ZDHHC15: variants seen among roughly 807,000 people sequenced by gnomAD.
ZDHHC15 encodes palmitoyltransferase ZDHHC15.
In ZDHHC15, 19 loss-of-function variants were observed where a neutral mutation model predicts 31.7. The observed-to-expected ratio is 0.60, with a 90% CI of 0.42 to 0.88. The LOEUF (loss-of-function observed/expected upper bound fraction) is 0.88, where lower values mean the gene tolerates loss of function less well. Among genes scored for constraint, ZDHHC15 ranks in the 40% least tolerant of loss-of-function variants. The pLI is 0.00. For missense variants in ZDHHC15, 209 were observed against 251.2 expected, an observed-to-expected ratio of 0.83 and a Z score of 1.14; for synonymous variants, 103 against 90.0, an observed-to-expected ratio of 1.14 and a Z score of -0.82.
chrX:75,387,594 A>G (rs1000975617), intron 10 of ZDHHC15, among the ~76,000 whole-genome samples: 17 of 112,067 alleles, frequency 1.5e-4, no homozygotes, highest in Non-Finnish European at 2.6e-4. Flanking sequence ...AGCTCAAAGA[A>G]AACCTTTTTG....
rs1174428042 is a variant in ZDHHC15, at chrX:75,375,786, C to A, written c.*33-2841G>T. Among the ~76,000 whole-genome samples, 5 of 112,006 alleles carry A rather than the reference C, an allele frequency of 4.5e-5. 1 individual carries two copies. In the South Asian group the frequency reaches 1.5e-3, roughly 33 times the overall value. ...TAGTATCCATCATATACATGTACCA[C>A]ATTTTCTTTGTCTAGTCCTCTGTTG... On this transcript the variant is annotated intron_variant, in intron 11 of 11. Transcript: ENST00000373367.
Position 75,495,953 on chromosome X carries a change from A to C in ZDHHC15, c.163+9868T>G, listed in dbSNP as rs765126657. Among the ~76,000 whole-genome samples the C allele has an allele frequency of 1.5e-4, 17 of 110,433 alleles. 1 individual carries two copies. The East Asian group carries it at 4.8e-3, about 31-fold the overall frequency. On this transcript the variant is annotated intron_variant, in intron 2 of 11. Coordinates refer to ENST00000373367, the MANE Select transcript of ZDHHC15 (RefSeq NM_144969.3). The stretch of plus-strand genomic sequence containing the variant: ...TAATTAAAAAAAAAAAAAGAAAAAC[A>C]AGGTATTCAGGTAACAACTAGTATA...
chrX:75,464,219 G>C (rs1335008351), intron 3 of ZDHHC15, among the ~76,000 whole-genome samples: 5 of 110,786 alleles, frequency 4.5e-5, no homozygotes, highest in Non-Finnish European at 7.5e-5. Context: ...CTCACTCATA[G>C]GTGGGAATTG....
intron 4 of ZDHHC15, among the ~76,000 whole-genome samples, chrX:75,440,842 C>T (rs1044170402): frequency 9.0e-6 from 1 of 111,661 alleles, no homozygotes; most frequent in Non-Finnish European, 1.9e-5. Context: ...TTGTGTGGGG[C>T]TTGCTATGGT....
intron 4 of ZDHHC15, among the ~76,000 whole-genome samples, chrX:75,449,195 TCTCTATACAC>T (rs2084074846): frequency 1.3e-5 from 1 of 74,236 alleles, no homozygotes; most frequent in Admixed American, 2.0e-4. Context: ...TCTCTCTCTC[TCTCTATACAC>T]ACACACACAC....
chrX:75,479,558 T>C (rs1262917535), intron 2 of ZDHHC15, among the ~76,000 whole-genome samples: 1 of 111,635 alleles, frequency 9.0e-6, no homozygotes, highest in Non-Finnish European at 1.9e-5. Flanking sequence ...TTTCGTTACA[T>C]GCATAGGTTG....
Position 75,495,520 on chromosome X carries a change from T to C in ZDHHC15, c.163+10301A>G, listed in dbSNP as rs191127671. ...GGCACTATTCACAACAGCAAAGACT[T>C]GGAACCAACCCAAATATCCAACAAT... On this transcript the variant is annotated intron_variant, in intron 2 of 11. Coordinates refer to ENST00000373367, the MANE Select transcript of ZDHHC15 (RefSeq NM_144969.3). 7.9e-3 allele frequency among the ~76,000 whole-genome samples: 876 copies of C among 110,597 alleles called. 11 individuals are homozygous for C. Among genetic ancestry groups the C allele is most frequent in the African/African-American group, 0.027 (806 of 30,326 alleles).
intron 2 of ZDHHC15, among the ~76,000 whole-genome samples, chrX:75,495,084 C>G (rs2084969529): frequency 9.0e-6 from 1 of 110,859 alleles, no homozygotes; most frequent in African/African-American, 3.3e-5. Context: ...AACAAATTTT[C>G]AAGAAAAAAA....
intron 10 of ZDHHC15, among the ~76,000 whole-genome samples, chrX:75,384,083 T>C (rs957839642): frequency 9.0e-6 from 1 of 111,156 alleles, no homozygotes; most frequent in Non-Finnish European, 1.9e-5. Context: ...TTTTTCCTAT[T>C]ATATACTTGG....
intron 10 of ZDHHC15, among the ~76,000 whole-genome samples, chrX:75,404,467 C>T (rs1304160534): frequency 8.9e-6 from 1 of 111,820 alleles, no homozygotes; most frequent in East Asian, 2.8e-4. Context: ...AAAATATTTG[C>T]AAGCTGTGCA....
intron 2 of ZDHHC15, among the ~76,000 whole-genome samples, chrX:75,487,437 A>T (rs1252630116): frequency 9.0e-6 from 1 of 111,653 alleles, no homozygotes; most frequent in Non-Finnish European, 1.9e-5. Context: ...AATAAGAATC[A>T]CTGAAGTCTG....
At chrX:75,479,289 C>A (rs774449848) in intron 2 of ZDHHC15, among the ~76,000 whole-genome samples, 1 of 111,937 alleles carries the variant, frequency 8.9e-6, no homozygotes, top group Non-Finnish European at 1.9e-5. Flanking sequence ...ATCTTTGCTA[C>A]TTTGAGTACT....
intron 3 of ZDHHC15, among the ~76,000 whole-genome samples, chrX:75,475,387 T>C (rs1224449879): frequency 8.9e-6 from 1 of 111,998 alleles, no homozygotes; most frequent in Non-Finnish European, 1.9e-5. Context: ...TATTTTAAGT[T>C]AATTTTTATA....
At chrX:75,474,573 T>TACACACACACACACACACACAC (rs375925139) in intron 3 of ZDHHC15, among the ~76,000 whole-genome samples, 2 of 64,255 alleles carry the variant, frequency 3.1e-5, no homozygotes, top group East Asian at 5.3e-4. Context: ...ATCCCCTTTA[T>TACACACACACACACACACACAC]ACACACACAC....
intron 2 of ZDHHC15, chrX:75,501,881 A>G (rs190653871): frequency 9.0e-6 from 1 of 111,378 alleles, no homozygotes; most frequent in East Asian, 2.8e-4. Context: ...ATTTTCTTCC[A>G]TTCTGTAGGT....
At chrX:75,514,042 C>T (rs931601039) in intron 1 of ZDHHC15, among the ~76,000 whole-genome samples, 7 of 112,561 alleles carry the variant, frequency 6.2e-5, no homozygotes, top group Admixed American at 9.4e-5. Flanking sequence ...AGAATGAAAG[C>T]GAAAACAAGA....
intron 2 of ZDHHC15, among the ~76,000 whole-genome samples, chrX:75,479,760 G>A (rs1358283858): frequency 3.6e-5 from 4 of 111,395 alleles, no homozygotes; most frequent in Non-Finnish European, 7.5e-5. Flanking sequence ...AGAACATGAG[G>A]TATTTGTCTT....
chrX:75,431,871 A>G (rs1436245405), intron 4 of ZDHHC15, among the ~76,000 whole-genome samples: 1 of 112,005 alleles, frequency 8.9e-6, no homozygotes, highest in Non-Finnish European at 1.9e-5. Context: ...TCTGAAAATA[A>G]GGATTCACAG....
At position 75,505,842 on chromosome X, in the gene ZDHHC15, C is replaced by A; in HGVS notation, c.142G>T (p.Val48Phe). ...TTACCTTTTTCTGCTGGGCTCAAAA[C>A]AGTCACTGTGAAGAGACAGGAGAAA... ...AYVFELCLVTVLSPAEKVIYL... is the reference protein window; with the variant it reads ...AYVFELCLVTFLSPAEKVIYL... The change falls in exon 2 of 12, where the codon GTT (valine) becomes TTT (phenylalanine). Residue 48 changes from valine to phenylalanine, a missense_variant. By Grantham distance (50) the Val-to-Phe change is conservative (BLOSUM62 -1). Transcript: ENST00000373367. 8.3e-7 allele frequency: 1 copy of A among 1,206,550 alleles called. No individual in the cohort carries two copies. The highest frequency in any genetic ancestry group is 1.1e-6 in the Non-Finnish European group (1 of 891,678).
Sources: allele counts gnomAD v4.1 joint callset (sites outside exome capture counted in the v4.1 genomes callset), GRCh38; gene constraint gnomAD v4.1.1; transcripts MANE v1.5; gene names NCBI Gene and HGNC (gene_info 2026-07-23, HGNC 2026-07-21).